The following UBE4B variants were observed in gnomAD, a reference collection of about 807,000 sequenced individuals.
UBE4B encodes ubiquitination factor E4B.
In UBE4B, 27 loss-of-function variants were observed where a neutral mutation model predicts 148.1. The ratio of observed to expected loss-of-function variants is 0.18; its 90% confidence interval spans 0.13 to 0.25. UBE4B has a LOEUF of 0.25. Ranked by LOEUF, UBE4B falls within the 10% of genes least tolerant of loss-of-function variation. The probability of loss-of-function intolerance (pLI) is 1.00; values close to 1 mark genes in which losing one functional copy is unlikely to be tolerated. For missense variants in UBE4B, 1,170 were observed against 1,662.4 expected, an observed-to-expected ratio of 0.70 and a Z score of 5.15; for synonymous variants, 596 against 619.3, an observed-to-expected ratio of 0.96 and a Z score of 0.56.
chr1:10,135,091 A>T lies in UBE4B; in HGVS notation c.2129A>T (p.Tyr710Phe). 1 of 1,614,128 alleles carries T rather than the reference A, an allele frequency of 6.2e-7. No individual in the cohort carries two copies. Among genetic ancestry groups the T allele is most frequent in the Non-Finnish European group, 8.5e-7 (1 of 1,180,022 alleles). The change falls in exon 16 of 28, where the codon TAT becomes TTT. Residue 710 changes from tyrosine to phenylalanine, a missense_variant. Tyr to Phe is a conservative substitution (Grantham distance 22). This residue lies in a region of UBE4B where 388 missense variants were observed against 536.0 expected (regional missense o/e 0.72). Transcript: ENST00000343090. ...KIKLETVDPT[Y>F]IFHPRCRITL... ...AAGTTAGAAACAGTTGATCCCACGT[A>T]TATTTTTCACCCAAGATGTCGGATT...
Position 10,097,580 on chromosome 1 carries a change from G to A in UBE4B, c.347+1984G>A, listed in dbSNP as rs1275525636. Reference sequence around the variant, plus strand: ...AATCCCATCACTTTGGGAGGCCGACGCAGGTGTTCACTTGAGGTCAGGAGT... The same window carrying A: ...AATCCCATCACTTTGGGAGGCCGACACAGGTGTTCACTTGAGGTCAGGAGT... On this transcript the variant is annotated intron_variant, in intron 3 of 27. Transcript: ENST00000343090. Among the ~76,000 whole-genome samples, 12 of 152,272 alleles carry A rather than the reference G, an allele frequency of 7.9e-5. No homozygotes were observed. The South Asian group carries it at 8.3e-4, about 11-fold the overall frequency.
At chr1:10,159,355 C>G (rs910954330) in intron 22 of UBE4B, among the ~76,000 whole-genome samples, 2 of 152,154 alleles carry the variant, frequency 1.3e-5, no homozygotes, top group African/African-American at 2.4e-5. Context: ...ATGCTGAACT[C>G]TTGAATTATT....
chr1:10,107,155 C>T (rs1645126421), intron 7 of UBE4B: 1 of 1,281,386 alleles, frequency 7.8e-7, no homozygotes. Context: ...ACAGCAGTTG[C>T]AAAAGCTTCT....
In UBE4B at chr1:10,158,279, A is replaced by G; in HGVS notation, c.2927-77A>G. The G allele has an allele frequency of 4.5e-6, 7 of 1,553,402 alleles. No homozygotes were observed. The South Asian group carries it at 8.2e-5, about 18-fold the overall frequency. ...TTTTGCAGGTTTACATTCACTCAGT[A>G]TCATTGTTGGGGCAATAACTGGATT... is the stretch of plus-strand genomic sequence containing the variant. On this transcript the variant is annotated intron_variant, in intron 21 of 27. Transcript: ENST00000343090.
chr1:10,179,948 G>A lies in UBE4B; in HGVS notation c.3901G>A (p.Asp1301Asn), dbSNP rs1403368995. 3.1e-6 allele frequency: 5 copies of A among 1,613,962 alleles called. No individual in the cohort carries two copies. The highest frequency in any genetic ancestry group is 1.1e-5 in the South Asian group (1 of 91,084). The change falls in exon 28 of 28, where the codon GAT becomes AAT. Residue 1301 changes from aspartate to asparagine, a missense_variant. Around this residue, in one of 6 missense-constraint regions of UBE4B, gnomAD observed 348 missense variants for 627.2 expected, o/e 0.55. Transcript: ENST00000343090. ...GTGGATGAGAGAGAAACAGAACAGC[G>A]ATCACTAAACCGTTCCGCCGCCCAC... ...QAWMREKQNS[D>N]H
At chr1:10,167,575 G>A (rs1035908501) in intron 23 of UBE4B, among the ~76,000 whole-genome samples, 24 of 149,192 alleles carry the variant, frequency 1.6e-4, no homozygotes, top group Admixed American at 6.7e-5. Flanking sequence ...ATCCTGAATA[G>A]AAGTTGATGG....
chr1:10,143,566 T>G (rs552945992), intron 17 of UBE4B, among the ~76,000 whole-genome samples: 68 of 152,154 alleles, frequency 4.5e-4, no homozygotes, highest in Non-Finnish European at 8.4e-4. Context: ...CCATCTCAAA[T>G]CCATACCCTT....
chr1:10,158,331 C>T, intron 21 of UBE4B, 25 bp from the exon 22 acceptor site: 1 of 1,613,204 alleles, frequency 6.2e-7, no homozygotes, highest in Non-Finnish European at 8.5e-7. Context: ...ACATATCCCT[C>T]AGTACCTTTG....
At chr1:10,164,157 A>G (rs1487104643) in intron 23 of UBE4B, among the ~76,000 whole-genome samples, 4 of 152,042 alleles carry the variant, frequency 2.6e-5, no homozygotes, top group South Asian at 4.1e-4. Flanking sequence ...CCTGGCCAAC[A>G]TGGTGAAACC....
chr1:10,119,690 A>G, intron 9 of UBE4B, 77 bp downstream of exon 9: 8 of 1,312,722 alleles, frequency 6.1e-6, no homozygotes, highest in Non-Finnish European at 8.7e-6. Context: ...CTCTCTGGCC[A>G]TTCTTGCACC....
chr1:10,103,584 C>A (rs1420861812), intron 5 of UBE4B, among the ~76,000 whole-genome samples: 2 of 150,338 alleles, frequency 1.3e-5, no homozygotes, highest in East Asian at 3.9e-4. Context: ...AGGCGTGCAC[C>A]ACCACGCCCA....
chr1:10,094,086 C>T (rs1194865493), intron 2 of UBE4B, among the ~76,000 whole-genome samples: 3 of 152,018 alleles, frequency 2.0e-5, no homozygotes, highest in African/African-American at 4.8e-5. Flanking sequence ...AAACATTCTT[C>T]TTTTTTCATA....
Position 10,106,248 on chromosome 1 carries a change from C to G in UBE4B, c.861C>G (p.Pro287=). 1 of 1,613,728 alleles carries G rather than the reference C, an allele frequency of 6.2e-7. No individual in the cohort carries two copies. The highest frequency in any genetic ancestry group is 8.5e-7 in the Non-Finnish European group (1 of 1,179,706). Residue 287 remains proline (P), a synonymous_variant, in exon 7 of 28, where the codon CCC becomes CCG. Transcript: ENST00000343090. The surrounding 1 kb of genome is among the most constrained non-coding windows in gnomAD (Gnocchi z 4.2). Reference sequence around the variant, plus strand: ...CTCCCAGTTTCTGGAGCTCTGTTCCCGTGATGGGCCCGTCTCTTGCCTCAC... The same window carrying G: ...CTCCCAGTTTCTGGAGCTCTGTTCCGGTGATGGGCCCGTCTCTTGCCTCAC... ...APTPSFWSSV[P]VMGPSLASPS...
chr1:10,058,043 G>A (rs1644209549), intron 1 of UBE4B, among the ~76,000 whole-genome samples: 1 of 152,182 alleles, frequency 6.6e-6, no homozygotes, highest in African/African-American at 2.4e-5. Flanking sequence ...CAATTAAAGT[G>A]GGAGTGCCAG....
intron 3 of UBE4B, among the ~76,000 whole-genome samples, chr1:10,099,750 A>G (rs1032180590): frequency 6.6e-6 from 1 of 152,166 alleles, no homozygotes; most frequent in Non-Finnish European, 1.5e-5. Context: ...ACAAAGTGGT[A>G]TTGGCCAGGG....
intron 1 of UBE4B, among the ~76,000 whole-genome samples, chr1:10,056,049 C>A (rs1028772649): frequency 6.6e-6 from 1 of 152,132 alleles, no homozygotes; most frequent in African/African-American, 2.4e-5. Context: ...CACTTCTATC[C>A]CCTGGGATGT....
intron 7 of UBE4B, among the ~76,000 whole-genome samples, chr1:10,116,905 C>T (rs550602406): frequency 6.6e-6 from 1 of 152,284 alleles, no homozygotes; most frequent in African/African-American, 2.4e-5. Context: ...TTACCTTTTT[C>T]ACTGATAGTT....
At chr1:10,117,268 T>G (rs1332241780) in intron 7 of UBE4B, among the ~76,000 whole-genome samples, 191 bp from the exon 8 acceptor site, 1 of 152,208 alleles carries the variant, frequency 6.6e-6, no homozygotes, top group Non-Finnish European at 1.5e-5. Flanking sequence ...GTCCCTGAAA[T>G]GTTACCAAAA....
At chr1:10,050,731 T>C (rs954393711) in intron 1 of UBE4B, among the ~76,000 whole-genome samples, 2 of 151,790 alleles carry the variant, frequency 1.3e-5, no homozygotes, top group Non-Finnish European at 2.9e-5. Flanking sequence ...CTTTTTTTTT[T>C]TTTTTTTATA....
Sources: allele counts gnomAD v4.1 joint callset (sites outside exome capture counted in the v4.1 genomes callset), GRCh38; gene constraint gnomAD v4.1.1; regional missense constraint gnomAD v4.1.1; non-coding constraint Gnocchi (gnomAD v3.1); transcripts MANE v1.5; gene names NCBI Gene and HGNC (gene_info 2026-07-23, HGNC 2026-07-21).